The following PFKFB4 variants were observed in gnomAD, a reference collection of about 807,000 sequenced individuals.
PFKFB4 encodes 6-phosphofructo-2-kinase/fructose-2,6-bisphosphatase 4.
Under a neutral mutation model 62.8 loss-of-function variants are expected in PFKFB4, and 42 were observed. The observed-to-expected ratio is 0.67, with a 90% confidence interval of 0.52 to 0.86. The LOEUF (loss-of-function observed/expected upper bound fraction) is 0.86, where lower values mean the gene tolerates loss of function less well. Among genes scored for constraint, PFKFB4 ranks in the 40% least tolerant of loss-of-function variants. PFKFB4 has a pLI of 0.00. For synonymous variants in PFKFB4, 204 were observed against 240.7 expected (o/e 0.85, Z 1.41); for missense variants, 475 against 627.2 (o/e 0.76, Z 2.59).
chr3:48,559,621 A>G (rs1234869011), upstream of PFKFB4: 2 of 456,602 alleles, frequency 4.4e-6, no homozygotes, highest in Non-Finnish European at 4.4e-6. Context: ...TTTCCTCCTC[A>G]GTATATCCGA....
At chr3:48,552,018 G>C (rs2043171922) in intron 1 of PFKFB4, among the ~76,000 whole-genome samples, 1 of 152,320 alleles carries the variant, frequency 6.6e-6, no homozygotes, top group Middle Eastern at 3.4e-3. Flanking sequence ...TGGTTGCCTA[G>C]ACAGACTGTC....
chr3:48,528,983 A>T (rs912398148), intron 9 of PFKFB4, among the ~76,000 whole-genome samples: 1 of 152,200 alleles, frequency 6.6e-6, no homozygotes, highest in African/African-American at 2.4e-5. Flanking sequence ...TGATGGTTGC[A>T]CAACTCTGAA....
At chr3:48,532,621 T>A (rs539373460) in intron 9 of PFKFB4, among the ~76,000 whole-genome samples, 2 of 152,278 alleles carry the variant, frequency 1.3e-5, no homozygotes, top group African/African-American at 4.8e-5. Flanking sequence ...GAGGCCAAAG[T>A]GGTAGAATCG....
intron 10 of PFKFB4, among the ~76,000 whole-genome samples, chr3:48,525,301 G>A (rs1172457512): frequency 6.6e-6 from 1 of 152,190 alleles, no homozygotes; most frequent in Non-Finnish European, 1.5e-5. Flanking sequence ...AGACAAGAAT[G>A]GAGAGCAGGG....
chr3:48,560,568 G>C (rs895848100), upstream of PFKFB4, among the ~76,000 whole-genome samples: 1 of 152,228 alleles, frequency 6.6e-6, no homozygotes, highest in Admixed American at 6.5e-5. Context: ...AAAGGGTTCA[G>C]AGAGGTTCAT....
At chr3:48,533,641 G>A (rs926183811) in intron 9 of PFKFB4, among the ~76,000 whole-genome samples, 5 of 152,170 alleles carry the variant, frequency 3.3e-5, no homozygotes, top group African/African-American at 9.7e-5. Context: ...GATTGCCTGA[G>A]GTCAGGAATT....
At chr3:48,558,763 C>G (rs1211224818), upstream of PFKFB4, among the ~76,000 whole-genome samples, 1 of 152,222 alleles carries the variant, frequency 6.6e-6, no homozygotes, top group Non-Finnish European at 1.5e-5. Context: ...TCCTCCACCC[C>G]AGTCCCAGCA....
chr3:48,529,338 G>A (rs958163857), intron 9 of PFKFB4, among the ~76,000 whole-genome samples: 11 of 152,098 alleles, frequency 7.2e-5, no homozygotes, highest in Admixed American at 2.0e-4. Flanking sequence ...TGGAATAGAA[G>A]ACAAGCCCAA....
Position 48,519,604 on chromosome 3 carries a change from G to A in PFKFB4, c.*143C>T, listed in dbSNP as rs903886121. On this transcript the variant is annotated 3_prime_UTR_variant, in exon 14 of 14. Transcript: ENST00000232375. ...AACAAAGAGCCAGGTGGGCTGGGGTGGGGGCTCTGGGTTCCGCCAGCCATG... is the reference window on the plus strand; with the variant it reads ...AACAAAGAGCCAGGTGGGCTGGGGTAGGGGCTCTGGGTTCCGCCAGCCATG... 1.5e-6 allele frequency: 1 copy of A among 666,192 alleles called. No homozygotes were observed. The highest frequency in any genetic ancestry group is 1.8e-5 in the South Asian group (1 of 55,092). The allele number at this position is 666,192 out of a possible 1,614,324, so 41.3% of individuals were successfully genotyped here.
At chr3:48,533,953 G>A (rs944854536) in intron 9 of PFKFB4, among the ~76,000 whole-genome samples, 1 of 152,218 alleles carries the variant, frequency 6.6e-6, no homozygotes, top group Non-Finnish European at 1.5e-5. Flanking sequence ...AAGCTGAGGG[G>A]AGGAGGCAGC....
At chr3:48,549,382 C>G (rs912126772) in intron 3 of PFKFB4, among the ~76,000 whole-genome samples, 1 of 152,142 alleles carries the variant, frequency 6.6e-6, no homozygotes, top group African/African-American at 2.4e-5. Flanking sequence ...GGAAGCCCCC[C>G]ACCCCCAGCT....
intron 9 of PFKFB4, among the ~76,000 whole-genome samples, chr3:48,526,442 G>A (rs765685015): frequency 6.0e-5 from 9 of 150,300 alleles, no homozygotes; most frequent in South Asian, 4.2e-4. Context: ...GCGTGGTGGC[G>A]CACGCCTGTA....
intron 7 of PFKFB4, 29 bp from the exon 8 acceptor site, chr3:48,536,492 T>C (rs201744203): frequency 4.5e-6 from 7 of 1,566,874 alleles, no homozygotes; most frequent in African/African-American, 1.3e-5. Flanking sequence ...GAAAGAGGCC[T>C]GTGAGCGTGG....
chr3:48,557,107 G>T, upstream of PFKFB4: 1 of 531,088 alleles, frequency 1.9e-6, no homozygotes, highest in Non-Finnish European at 2.7e-6. Flanking sequence ...GGCCCGCCCC[G>T]GATGCGCAAA....
At chr3:48,562,923 GGTGGCGGGTGGGGCTGCA>G, upstream of PFKFB4, 1 of 1,605,338 alleles carries the variant, frequency 6.2e-7, no homozygotes, top group African/African-American at 1.3e-5. This position sits in a 1 kb window ranked among gnomAD's most constrained non-coding sequence, Gnocchi z 4.3. Context: ...CGCGAGCCAG[GGTGGCGGGTGGGGCTGCA>G]GTGGCTCTGG....
intron 10 of PFKFB4, 41 bp downstream of exon 10, chr3:48,525,524 G>T (rs750555817): frequency 9.3e-7 from 1 of 1,072,770 alleles, no homozygotes; most frequent in East Asian, 2.7e-5. Flanking sequence ...ACTCCCAGGC[G>T]GGCAGTAGGT....
chr3:48,557,013 A>C, upstream of PFKFB4: 1 of 1,330,406 alleles, frequency 7.5e-7, no homozygotes, highest in Admixed American at 3.6e-5. Flanking sequence ...AAGTGGGCCC[A>C]GTTCTTCAGG....
At chr3:48,525,802 T>C in intron 9 of PFKFB4, 133 bp from the exon 10 acceptor site, 1 of 482,960 alleles carries the variant, frequency 2.1e-6, no homozygotes, top group Non-Finnish European at 3.7e-6. Flanking sequence ...AACAGAAACC[T>C]GTCTAAGGAG....
At chr3:48,541,378 CTCAG>C (rs1185494213) in intron 4 of PFKFB4, among the ~76,000 whole-genome samples, 5 of 152,128 alleles carry the variant, frequency 3.3e-5, no homozygotes, top group Non-Finnish European at 7.4e-5. Context: ...ATCCACCCGC[CTCAG>C]CCTCCCAAAG....
Sources: gnomAD v4.1 joint callset for allele counts (sites outside exome capture counted in the v4.1 genomes callset) on GRCh38, gnomAD v4.1.1 for gene constraint, Gnocchi (gnomAD v3.1) non-coding constraint, MANE v1.5 for transcripts, NCBI Gene and HGNC (gene_info 2026-07-23, HGNC 2026-07-21) for gene names.